The following CAB39 variants were observed in gnomAD, a reference collection of about 807,000 sequenced individuals.
CAB39 encodes calcium-binding protein 39.
In CAB39, 8 loss-of-function variants were observed where a neutral mutation model predicts 40.0. The ratio of observed to expected loss-of-function variants is 0.20; its 90% CI spans 0.12 to 0.36. The LOEUF (loss-of-function observed/expected upper bound fraction) is 0.36, where lower values mean the gene tolerates loss of function less well. Among genes scored for constraint, CAB39 ranks in the 10% least tolerant of loss-of-function variants. The pLI, the probability that CAB39 is intolerant of heterozygous loss-of-function variation, is 1.00. For missense variants in CAB39, 270 were observed against 401.1 expected, an observed-to-expected ratio of 0.67 and a Z score of 2.79; for synonymous variants, 156 against 141.6, an observed-to-expected ratio of 1.10 and a Z score of -0.72.
intron 5 of CAB39, among the ~76,000 whole-genome samples, chr2:230,809,417 G>A (rs1469000345): frequency 1.3e-5 from 2 of 152,214 alleles, no homozygotes; most frequent in Admixed American, 6.5e-5. Flanking sequence ...GTGGTACGAA[G>A]GACCTCAATC....
chr2:230,775,974 A>T (rs1334525901), intron 2 of CAB39, among the ~76,000 whole-genome samples: 1 of 152,250 alleles, frequency 6.6e-6, no homozygotes, highest in Non-Finnish European at 1.5e-5. Flanking sequence ...TGTCAGAGAC[A>T]GATACAGAGA....
At chr2:230,778,592 A>G (rs920342237) in intron 2 of CAB39, among the ~76,000 whole-genome samples, 3 of 152,168 alleles carry the variant, frequency 2.0e-5, no homozygotes, top group Non-Finnish European at 4.4e-5. Flanking sequence ...TTAGCTTACT[A>G]ATTGCTTATT....
In CAB39 at chr2:230,803,073, C is replaced by CA. The variant is rs1391583952; in HGVS notation, c.567+4177dup. 2.0e-5 allele frequency among the ~76,000 whole-genome samples: 3 copies of CA among 152,338 alleles called. No individual in the cohort carries two copies. The South Asian group carries it at 6.2e-4, about 32-fold the overall frequency. ...GTATCCACCACGATCAAGTGGGCTT[C>CA]ATCCCTTCGATGCAATGCTGGTTCA... is the stretch of plus-strand genomic sequence containing the variant. On this transcript the variant is annotated intron_variant, in intron 5 of 8. Coordinates refer to ENST00000258418, the MANE Select transcript of CAB39 (RefSeq NM_016289.4).
intron 4 of CAB39, among the ~76,000 whole-genome samples, chr2:230,796,803 T>C (rs1485477884): frequency 6.6e-6 from 1 of 152,046 alleles, no homozygotes; most frequent in Non-Finnish European, 1.5e-5. Flanking sequence ...CCTAGTAGTT[T>C]AGAATTTACA....
chr2:230,793,219 A>G lies in CAB39; in HGVS notation c.286A>G (p.Lys96Glu). The G allele has an allele frequency of 6.2e-7, 1 of 1,604,470 alleles. No homozygotes were observed. Among genetic ancestry groups the G allele is most frequent in the East Asian group, 2.2e-5 (1 of 44,756 alleles). ...DLQLIDFEGK[K>E]DVAQIFNNIL... ...ATGATTGTATTCCTAATAGGGCAAA[A>G]AAGACGTGGCTCAAATTTTCAACAA... Residue 96 changes from lysine (K) to glutamate (E), a missense_variant, in exon 4 of 9, where the codon AAA becomes GAA. Physicochemically the swap from Lys to Glu is moderately conservative, Grantham distance 56 (BLOSUM62 1). Transcript: ENST00000258418.
At chr2:230,809,235 G>A (rs1490420353) in intron 5 of CAB39, among the ~76,000 whole-genome samples, 1 of 152,122 alleles carries the variant, frequency 6.6e-6, no homozygotes, top group African/African-American at 2.4e-5. Context: ...TCCCTCGTTT[G>A]CTTGACCATG....
intron 1 of CAB39, among the ~76,000 whole-genome samples, chr2:230,725,827 T>C (rs1190425451): frequency 6.6e-6 from 1 of 152,152 alleles, no homozygotes; most frequent in Non-Finnish European, 1.5e-5. Context: ...TGTGATGAAA[T>C]GGAGCCATGC....
At position 230,759,728 on chromosome 2, in the gene CAB39, T is replaced by C. The variant is rs531913122; in HGVS notation, c.-43-231T>C. On this transcript the variant is annotated intron_variant, in intron 1 of 8. Transcript: ENST00000258418. ...TGCGTGGTTAGGAGAGCAATTGATT[T>C]GAAGGAAAGAAAAACAAAGTGTTTT... 2.6e-5 allele frequency among the ~76,000 whole-genome samples: 4 copies of C among 152,352 alleles called. No homozygotes were observed. The East Asian group carries it at 7.7e-4, about 29-fold the overall frequency.
chr2:230,719,924 A>G (rs568783453), intron 1 of CAB39, among the ~76,000 whole-genome samples: 1 of 152,046 alleles, frequency 6.6e-6, no homozygotes, highest in Admixed American at 6.5e-5. Context: ...TTTTTCTCCC[A>G]GTTGGTCAGA....
At chr2:230,797,838 A>G (rs1046926538) in intron 4 of CAB39, among the ~76,000 whole-genome samples, 1 of 152,210 alleles carries the variant, frequency 6.6e-6, no homozygotes, top group African/African-American at 2.4e-5. Context: ...AGAAGACTCT[A>G]TTTAGCCAAG....
intron 1 of CAB39, among the ~76,000 whole-genome samples, chr2:230,715,355 G>A (rs1260138628): frequency 6.6e-6 from 1 of 152,160 alleles, no homozygotes; most frequent in Admixed American, 6.5e-5. Context: ...GTAAGACTTG[G>A]ATCCTCTTGC....
At chr2:230,815,035 C>T (rs1161424554) in intron 7 of CAB39, among the ~76,000 whole-genome samples, 1 of 152,194 alleles carries the variant, frequency 6.6e-6, no homozygotes, top group Non-Finnish European at 1.5e-5. Context: ...CCCTTCCTAC[C>T]GTGGGGAAAT....
chr2:230,796,346 G>A (rs1042148110), intron 4 of CAB39, among the ~76,000 whole-genome samples: 2 of 151,946 alleles, frequency 1.3e-5, no homozygotes, highest in Non-Finnish European at 1.5e-5. Context: ...ATTTGGAGGC[G>A]ATTTTTTTTT....
chr2:230,806,080 A>G (rs2124975420), intron 5 of CAB39, among the ~76,000 whole-genome samples: 1 of 152,328 alleles, frequency 6.6e-6, no homozygotes, highest in Non-Finnish European at 1.5e-5. Context: ...TGTATAAAAT[A>G]TGGGATGGAG....
At chr2:230,719,308 G>A (rs1694405462) in intron 1 of CAB39, among the ~76,000 whole-genome samples, 1 of 152,208 alleles carries the variant, frequency 6.6e-6, no homozygotes, top group African/African-American at 2.4e-5. Flanking sequence ...AGTTGAGCCA[G>A]AATTTGAACT....
intron 6 of CAB39, among the ~76,000 whole-genome samples, chr2:230,813,297 G>A (rs550231065): frequency 4.6e-5 from 7 of 152,304 alleles, no homozygotes; most frequent in African/African-American, 1.2e-4. Flanking sequence ...TCACCATCCA[G>A]CAGTGCCACT....
intron 2 of CAB39, among the ~76,000 whole-genome samples, chr2:230,767,528 G>C (rs1397855076): frequency 6.6e-6 from 1 of 152,016 alleles, no homozygotes; most frequent in Non-Finnish European, 1.5e-5. Flanking sequence ...TCCTAACAGG[G>C]GCCTAAAGTA....
At chr2:230,813,978 C>CTTTTTTTGTTTT in intron 6 of CAB39, 71 bp from the exon 7 acceptor site, 1 of 111,338 alleles carries the variant, frequency 9.0e-6, no homozygotes. Context: ...ACCTACCAGT[C>CTTTTTTTGTTTT]TTTTTTTTTT....
At chr2:230,735,444 G>A (rs184622676) in intron 1 of CAB39, among the ~76,000 whole-genome samples, 117 of 152,118 alleles carry the variant, frequency 7.7e-4, no homozygotes, top group Non-Finnish European at 1.4e-3. Context: ...TGGGATTATA[G>A]GCATGAGCCA....
Sources: allele counts gnomAD v4.1 joint callset (sites outside exome capture counted in the v4.1 genomes callset), GRCh38; gene constraint gnomAD v4.1.1; transcripts MANE v1.5; gene names NCBI Gene and HGNC (gene_info 2026-07-23, HGNC 2026-07-21).